Variants in ADAM32 observed in about 807,000 individuals in gnomAD.
The protein encoded by ADAM32 is disintegrin and metalloproteinase domain-containing protein 32.
In ADAM32, 89 loss-of-function variants were observed where a neutral mutation model predicts 114.9. That is an observed-to-expected ratio of 0.77 (90% CI 0.65 to 0.92). The LOEUF (loss-of-function observed/expected upper bound fraction) is 0.92, where lower values mean the gene tolerates loss of function less well. ADAM32 is among the 40% of genes least tolerant of loss of function. The pLI, the probability that ADAM32 is intolerant of heterozygous loss-of-function variation, is 0.00. For missense variants in ADAM32, 870 were observed against 932.8 expected, an observed-to-expected ratio of 0.93 and a Z score of 0.88; for synonymous variants, 285 against 307.5, an observed-to-expected ratio of 0.93 and a Z score of 0.77.
At chr8:39,126,790 A>G (rs1802144251) in intron 2 of ADAM32, among the ~76,000 whole-genome samples, 1 of 152,178 alleles carries the variant, frequency 6.6e-6, no homozygotes. Context: ...ATTTAGTATG[A>G]TACTGACTGT....
At position 39,257,367 on chromosome 8, in the gene ADAM32, G is replaced by A. The variant is rs138459747; in HGVS notation, c.2162+24G>A. The A allele has an allele frequency of 1.1e-5, 18 of 1,612,062 alleles. No homozygotes were observed. The East Asian group carries it at 2.9e-4, about 26-fold the overall frequency. ...GAGTAAATTGCATTTGTGTTCTGAAGTTAAACATTAGTACCATTTGAATCT... is the reference window on the plus strand; with the variant it reads ...GAGTAAATTGCATTTGTGTTCTGAAATTAAACATTAGTACCATTTGAATCT... On this transcript the variant is annotated intron_variant, in intron 19 of 24. Coordinates refer to ENST00000379907, the MANE Select transcript of ADAM32 (RefSeq NM_145004.7).
At chr8:39,113,700 C>T (rs1415883529) in intron 1 of ADAM32, among the ~76,000 whole-genome samples, 1 of 152,122 alleles carries the variant, frequency 6.6e-6, no homozygotes, top group Non-Finnish European at 1.5e-5. Flanking sequence ...ACATCTAGGG[C>T]ACTTGCTACT....
chr8:39,183,955 G>A lies in ADAM32; in HGVS notation c.916-2954G>A, dbSNP rs537374237. Reference sequence around the variant, plus strand: ...TACCTGGGATACACGAGGACAAATCGTTCCTCCTTCAATGAATGAGCAGTC... The same window carrying A: ...TACCTGGGATACACGAGGACAAATCATTCCTCCTTCAATGAATGAGCAGTC... On this transcript the variant is annotated intron_variant, in intron 10 of 24. Transcript: ENST00000379907. Among the ~76,000 whole-genome samples, 39 of 152,278 alleles carry A rather than the reference G, an allele frequency of 2.6e-4. No homozygotes were observed. The South Asian group carries it at 7.7e-3, about 30-fold the overall frequency.
At chr8:39,128,330 T>G (rs1802240287) in intron 2 of ADAM32, among the ~76,000 whole-genome samples, 1 of 152,208 alleles carries the variant, frequency 6.6e-6, no homozygotes, top group Non-Finnish European at 1.5e-5. Context: ...TGTCAGAAAC[T>G]AGGTTTGTAA....
intron 6 of ADAM32, 61 bp from the exon 7 acceptor site, chr8:39,160,836 A>T: frequency 3.6e-6 from 5 of 1,381,128 alleles, no homozygotes. Context: ...TTTAAAGAAG[A>T]GTTCAAGTAA....
intron 15 of ADAM32, among the ~76,000 whole-genome samples, chr8:39,233,178 A>C (rs1264920716): frequency 6.6e-6 from 1 of 152,164 alleles, no homozygotes; most frequent in Non-Finnish European, 1.5e-5. Context: ...ATTTATTAAG[A>C]AAGTAAAGGA....
At chr8:39,189,852 C>T (rs1029232230) in intron 11 of ADAM32, among the ~76,000 whole-genome samples, 3 of 151,948 alleles carry the variant, frequency 2.0e-5, no homozygotes, top group Non-Finnish European at 2.9e-5. Context: ...GGCTGGAGTG[C>T]GGTGGCGCGA....
At chr8:39,190,128 T>G (rs933004566) in intron 11 of ADAM32, among the ~76,000 whole-genome samples, 2 of 152,248 alleles carry the variant, frequency 1.3e-5, no homozygotes, top group African/African-American at 4.8e-5. Context: ...GTCCTGCACA[T>G]GATTGAGAAT....
intron 10 of ADAM32, among the ~76,000 whole-genome samples, chr8:39,179,317 C>A (rs1243309821): frequency 6.6e-6 from 1 of 152,206 alleles, no homozygotes; most frequent in Admixed American, 6.5e-5. Flanking sequence ...CAGTCTCCAG[C>A]CTGCTGCTAC....
intron 16 of ADAM32, among the ~76,000 whole-genome samples, chr8:39,238,327 T>A (rs1039360428): frequency 1.3e-5 from 2 of 152,198 alleles, no homozygotes; most frequent in Admixed American, 6.5e-5. Flanking sequence ...AGAAGAGCAG[T>A]AATGATCACT....
At chr8:39,162,000 T>TTATATA (rs5891056) in intron 7 of ADAM32, among the ~76,000 whole-genome samples, 1 of 144,506 alleles carries the variant, frequency 6.9e-6, no homozygotes, top group African/African-American at 2.5e-5. Context: ...TTATTTTATT[T>TTATATA]TATATATATA....
At chr8:39,261,098 A>C (rs1238042772) in intron 19 of ADAM32, among the ~76,000 whole-genome samples, 1 of 152,114 alleles carries the variant, frequency 6.6e-6, no homozygotes, top group Admixed American at 6.6e-5. Flanking sequence ...CCTTCTAGCT[A>C]TTTGAAACTA....
At chr8:39,278,859 A>T (rs1813254707) in intron 22 of ADAM32, among the ~76,000 whole-genome samples, 1 of 152,008 alleles carries the variant, frequency 6.6e-6, no homozygotes, top group Admixed American at 6.6e-5. Flanking sequence ...TGCTTTTTTT[A>T]TCCACACTGA....
chr8:39,260,661 T>C (rs1237592483), intron 19 of ADAM32, among the ~76,000 whole-genome samples: 2 of 152,162 alleles, frequency 1.3e-5, no homozygotes, highest in Non-Finnish European at 2.9e-5. Context: ...ACTAGTATTT[T>C]GTTGAGGATT....
chr8:39,237,683 A>G (rs78713466), intron 16 of ADAM32, among the ~76,000 whole-genome samples: 8,119 of 147,682 alleles, frequency 0.055, 745 homozygotes, highest in African/African-American at 0.19. Context: ...AACTCCATTG[A>G]CCTGAGAACC....
chr8:39,121,376 C>G (rs962852263), intron 2 of ADAM32, among the ~76,000 whole-genome samples: 1 of 151,958 alleles, frequency 6.6e-6, no homozygotes. Context: ...CGCATGTTCT[C>G]ACTCATAAGT....
At chr8:39,222,621 T>C (rs1448405288) in intron 13 of ADAM32, among the ~76,000 whole-genome samples, 7 of 152,114 alleles carry the variant, frequency 4.6e-5, no homozygotes, top group African/African-American at 1.7e-4. Flanking sequence ...CTGCAGTTTT[T>C]TATGTTTCAC....
intron 10 of ADAM32, among the ~76,000 whole-genome samples, chr8:39,175,862 CATTT>C (rs1425261097): frequency 6.6e-6 from 1 of 152,048 alleles, no homozygotes; most frequent in African/African-American, 2.4e-5. Flanking sequence ...TTTCAGAACT[CATTT>C]ATTTGTTTAT....
chr8:39,256,873 T>C (rs1279995142), intron 18 of ADAM32, among the ~76,000 whole-genome samples: 2 of 152,050 alleles, frequency 1.3e-5, no homozygotes, highest in Non-Finnish European at 2.9e-5. Flanking sequence ...TGGATAACCA[T>C]GCAATTACAC....
Sources: gnomAD v4.1 joint callset for allele counts (sites outside exome capture counted in the v4.1 genomes callset) on GRCh38, gnomAD v4.1.1 for gene constraint, MANE v1.5 for transcripts, NCBI Gene and HGNC (gene_info 2026-07-23, HGNC 2026-07-21) for gene names.